Variants in PPP2R2B observed in about 807,000 individuals in gnomAD.
PPP2R2B encodes serine/threonine-protein phosphatase 2A 55 kDa regulatory subunit B beta isoform.
In PPP2R2B, 5 loss-of-function variants were observed where a neutral mutation model predicts 46.0. The observed-to-expected ratio is 0.11, with a 90% CI of 0.06 to 0.23. The LOEUF (loss-of-function observed/expected upper bound fraction) is 0.23. PPP2R2B is among the 10% of genes least tolerant of loss of function. The pLI is 1.00. For synonymous variants in PPP2R2B, 215 were observed against 206.7 expected (o/e 1.04, Z -0.34); for missense variants, 367 against 575.0 (o/e 0.64, Z 3.70).
At chr5:147,079,740 G>T (rs947869886) in intron 2 of PPP2R2B, among the ~76,000 whole-genome samples, 25 of 151,934 alleles carry the variant, frequency 1.6e-4, no homozygotes, top group Non-Finnish European at 2.6e-4. Context: ...TAAAGTCATA[G>T]ATCTGAGGAA....
chr5:146,618,201 T>G (rs1263798936), intron 7 of PPP2R2B, among the ~76,000 whole-genome samples: 1 of 152,018 alleles, frequency 6.6e-6, no homozygotes, highest in African/African-American at 2.4e-5. Flanking sequence ...ATAAGTGAAA[T>G]AGGAAGGCAA....
In PPP2R2B at chr5:146,807,776, C is replaced by CTTTTTTTTTTTTTTTT. The variant is rs10583721; in HGVS notation, c.70+70210_70+70225dup. Among the ~76,000 whole-genome samples the CTTTTTTTTTTTTTTTT allele has an allele frequency of 5.4e-4, 20 of 36,932 alleles. 2 individuals carry two copies. The highest frequency in any genetic ancestry group is 7.2e-4 in the Non-Finnish European group (13 of 18,068). The allele number at this position is 36,932 out of a possible 152,430, so 24.2% of individuals were successfully genotyped here. Reference sequence around the variant, plus strand: ...TTGGTTAAACCTCCTGGGGTGCCTTCTTTTTTTTTTTTTTTTTTTTTTTTT... The same window carrying CTTTTTTTTTTTTTTTT: ...TTGGTTAAACCTCCTGGGGTGCCTTCTTTTTTTTTTTTTTTTTTTTTTTTTTTTTTTTTTTTTTTTT... On this transcript the variant is annotated intron_variant, in intron 2 of 9. Transcript: ENST00000394411.
chr5:146,860,042 G>A (rs918339732), intron 2 of PPP2R2B, among the ~76,000 whole-genome samples: 6 of 152,128 alleles, frequency 3.9e-5, no homozygotes, highest in Non-Finnish European at 7.4e-5. Flanking sequence ...ACAAAAATCA[G>A]GAAAACAATT....
intron 2 of PPP2R2B, among the ~76,000 whole-genome samples, chr5:146,877,176 A>T (rs987470906): frequency 6.6e-6 from 1 of 152,238 alleles, no homozygotes; most frequent in African/African-American, 2.4e-5. Flanking sequence ...CACAAAAGGC[A>T]GAATGAGATT....
chr5:146,623,711 A>T (rs1280303837), intron 7 of PPP2R2B, among the ~76,000 whole-genome samples: 3 of 152,238 alleles, frequency 2.0e-5, no homozygotes, highest in Non-Finnish European at 4.4e-5. Context: ...AAAAGAGAAG[A>T]TAAAGGCAAG....
At chr5:146,710,578 G>C (rs1228920787) in intron 2 of PPP2R2B, among the ~76,000 whole-genome samples, 2 of 152,240 alleles carry the variant, frequency 1.3e-5, no homozygotes, top group Non-Finnish European at 2.9e-5. Context: ...ATTGATAGCA[G>C]TCCAGACTTG....
intron 2 of PPP2R2B, among the ~76,000 whole-genome samples, chr5:146,727,173 G>T (rs1257998509): frequency 6.6e-6 from 1 of 151,550 alleles, no homozygotes; most frequent in Non-Finnish European, 1.5e-5. Flanking sequence ...AGGTCTCATT[G>T]TATTAGCTCA....
At chr5:147,069,893 C>A (rs1392096562) in intron 2 of PPP2R2B, among the ~76,000 whole-genome samples, 1 of 142,058 alleles carries the variant, frequency 7.0e-6, no homozygotes, top group Non-Finnish European at 1.5e-5. Context: ...CAGGTTCAAG[C>A]AATTCTCTTG....
intron 2 of PPP2R2B, among the ~76,000 whole-genome samples, chr5:147,071,941 T>A (rs557335112): frequency 6.6e-6 from 1 of 152,328 alleles, no homozygotes; most frequent in East Asian, 1.9e-4. Flanking sequence ...GCTGAAAGCA[T>A]CTTGAAAGCA....
Position 146,636,739 on chromosome 5 carries a change from T to C in PPP2R2B, c.790+1512A>G, listed in dbSNP as rs1436539491. On this transcript the variant is annotated intron_variant, in intron 7 of 9. Transcript: ENST00000394411. Reference sequence around the variant, plus strand: ...ACATGACAGCATAAACTTTGGAATCTGATCTTCAAGGATCAACCTGATATG... The same window carrying C: ...ACATGACAGCATAAACTTTGGAATCCGATCTTCAAGGATCAACCTGATATG... Among the ~76,000 whole-genome samples the C allele has an allele frequency of 3.9e-5, 6 of 152,386 alleles. No individual in the cohort carries two copies. In the East Asian group the frequency reaches 9.6e-4, roughly 24 times the overall value.
At chr5:147,038,236 A>C (rs1287503320) in intron 1 of PPP2R2B, among the ~76,000 whole-genome samples, 1 of 152,320 alleles carries the variant, frequency 6.6e-6, no homozygotes, top group South Asian at 2.1e-4. Context: ...CCTTGTTCTC[A>C]TAGAGCTTAC....
chr5:146,926,203 G>A (rs1763777483), intron 1 of PPP2R2B, among the ~76,000 whole-genome samples: 1 of 151,766 alleles, frequency 6.6e-6, no homozygotes, highest in Non-Finnish European at 1.5e-5. Flanking sequence ...TTAAAAATGG[G>A]ACATTTAAGA....
chr5:146,988,732 C>T (rs999697910), intron 1 of PPP2R2B, among the ~76,000 whole-genome samples: 1 of 151,072 alleles, frequency 6.6e-6, no homozygotes, highest in Admixed American at 6.6e-5. Flanking sequence ...CAATATAAAC[C>T]CAGAATAAGT....
At chr5:146,813,010 T>C (rs1757721720) in intron 2 of PPP2R2B, among the ~76,000 whole-genome samples, 1 of 149,310 alleles carries the variant, frequency 6.7e-6, no homozygotes. Context: ...AGCCAAACCA[T>C]ACCAGATGGG....
At chr5:146,690,902 A>C in intron 5 of PPP2R2B, among the ~76,000 whole-genome samples, 1 of 152,226 alleles carries the variant, frequency 6.6e-6, no homozygotes, top group East Asian at 1.9e-4. Flanking sequence ...CATGTGGGCA[A>C]GTCTTCTGGG....
At position 146,739,906 on chromosome 5, in the gene PPP2R2B, C is replaced by T. The variant is rs555184916; in HGVS notation, c.71-38764G>A. On this transcript the variant is annotated intron_variant, in intron 2 of 9. Coordinates refer to ENST00000394411, the MANE Select transcript of PPP2R2B (RefSeq NM_181675.4). ...CTTTGTAGATTTGAGGGAACTCAGT[C>T]TGCTGAGGACATACTACCAGGGAGT... 1.9e-4 allele frequency among the ~76,000 whole-genome samples: 29 copies of T among 152,298 alleles called. No homozygotes were observed. The South Asian group carries it at 6.0e-3, about 32-fold the overall frequency.
intron 5 of PPP2R2B, among the ~76,000 whole-genome samples, chr5:146,672,638 G>A (rs1374402805): frequency 1.3e-5 from 2 of 152,164 alleles, no homozygotes; most frequent in Non-Finnish European, 2.9e-5. Context: ...AAGACAGCTA[G>A]AGAAAATGGA....
intron 1 of PPP2R2B, among the ~76,000 whole-genome samples, chr5:146,960,903 C>A (rs1752141360): frequency 6.6e-6 from 1 of 152,098 alleles, no homozygotes; most frequent in Non-Finnish European, 1.5e-5. Context: ...TTTATAAAAC[C>A]AATGTATGCC....
At chr5:146,903,031 C>T (rs544861460) in intron 1 of PPP2R2B, among the ~76,000 whole-genome samples, 4 of 152,152 alleles carry the variant, frequency 2.6e-5, no homozygotes, top group Admixed American at 2.0e-4. Context: ...CTGTGATATG[C>T]GATATTACAA....
Sources: allele counts gnomAD v4.1 joint callset (sites outside exome capture counted in the v4.1 genomes callset), GRCh38; gene constraint gnomAD v4.1.1; transcripts MANE v1.5; gene names NCBI Gene and HGNC (gene_info 2026-07-23, HGNC 2026-07-21).